DPF3: variants seen among roughly 807,000 people sequenced by gnomAD.
DPF3 encodes the protein double PHD fingers 3.
A neutral mutation model predicts 56.8 loss-of-function variants in DPF3; 18 were observed. That is an observed-to-expected ratio of 0.32 (90% confidence interval 0.22 to 0.47). The LOEUF (loss-of-function observed/expected upper bound fraction) is 0.47, where lower values mean the gene tolerates loss of function less well. DPF3 is among the 20% of genes least tolerant of loss of function. The pLI is 1.00. For missense variants in DPF3, 403 were observed against 488.8 expected, an observed-to-expected ratio of 0.82 and a Z score of 1.65; for synonymous variants, 188 against 180.2, an observed-to-expected ratio of 1.04 and a Z score of -0.35.
At chr14:72,634,695 C>CAA (rs1885337167) in intron 8 of DPF3, among the ~76,000 whole-genome samples, 1 of 148,636 alleles carries the variant, frequency 6.7e-6, no homozygotes, top group South Asian at 2.4e-4. Flanking sequence ...CCATTAATGG[C>CAA]AAGTACTGCA....
chr14:72,821,846 A>ATT (rs11381807), intron 1 of DPF3, among the ~76,000 whole-genome samples: 15 of 150,610 alleles, frequency 1.0e-4, no homozygotes, highest in Non-Finnish European at 1.5e-4. Context: ...TCTCCACTAA[A>ATT]TTTTTTTTTT....
chr14:72,789,994 G>A (rs1246020068), intron 1 of DPF3, among the ~76,000 whole-genome samples: 4 of 151,450 alleles, frequency 2.6e-5, no homozygotes, highest in South Asian at 2.1e-4. Context: ...GCTCATGCCT[G>A]TAATCCCAGC....
At chr14:72,662,544 A>G (rs898703530) in intron 8 of DPF3, 1 of 985,200 alleles carries the variant, frequency 1.0e-6, no homozygotes, top group African/African-American at 1.7e-5. Context: ...TTTCTCACAG[A>G]CAATCAAAGA....
intron 8 of DPF3, chr14:72,662,511 T>A: frequency 1.0e-6 from 1 of 985,212 alleles, no homozygotes; most frequent in Non-Finnish European, 1.2e-6. Flanking sequence ...TACTGTAGAG[T>A]AATTCCAGGC....
chr14:72,831,132 A>G (rs761286438), intron 1 of DPF3, among the ~76,000 whole-genome samples: 3 of 152,160 alleles, frequency 2.0e-5, no homozygotes, highest in Non-Finnish European at 4.4e-5. Context: ...AGATCCTTGA[A>G]CAAAAGGAGC....
intron 5 of DPF3, 116 bp downstream of exon 5, chr14:72,723,517 G>A (rs760412260): frequency 1.6e-5 from 14 of 890,260 alleles, no homozygotes; most frequent in African/African-American, 1.7e-5. Context: ...TCCTTTGAGC[G>A]TTCTCCATGT....
chr14:72,750,942 G>C (rs1438465096), intron 3 of DPF3, among the ~76,000 whole-genome samples: 1 of 152,054 alleles, frequency 6.6e-6, no homozygotes, highest in Non-Finnish European at 1.5e-5. Flanking sequence ...TGTAATCTTA[G>C]CACTCTGGGA....
At chr14:72,787,850 A>G (rs1599441619) in intron 1 of DPF3, among the ~76,000 whole-genome samples, 1 of 152,330 alleles carries the variant, frequency 6.6e-6, no homozygotes, top group Admixed American at 6.5e-5. Flanking sequence ...GCTAAGGACA[A>G]GAGAGGAGAG....
intron 2 of DPF3, among the ~76,000 whole-genome samples, chr14:72,754,024 T>A (rs1890687911): frequency 6.7e-6 from 1 of 149,344 alleles, no homozygotes. Context: ...AAAAAAAAAA[T>A]AGGCAGGAGG....
chr14:72,777,588 T>C lies in DPF3; in HGVS notation c.33-5695A>G, dbSNP rs116555055. Among the ~76,000 whole-genome samples the C allele has an allele frequency of 9.9e-3, 1,514 of 152,276 alleles. 12 individuals are homozygous for C. The highest frequency in any genetic ancestry group is 0.051 in the Middle Eastern group (15 of 294). ...ACCCCTGCCCAAATCTCATGTTGAA[T>C]TGTAATCCCCAACTCTGGGGGTGGG... On this transcript the variant is annotated intron_variant, in intron 1 of 10. Coordinates refer to ENST00000556509, the MANE Select transcript of DPF3 (RefSeq NM_001280542.3).
At chr14:72,672,800 C>G (rs1036389131) in intron 8 of DPF3, among the ~76,000 whole-genome samples, 2 of 152,194 alleles carry the variant, frequency 1.3e-5, no homozygotes, top group African/African-American at 4.8e-5. Flanking sequence ...TCCAAACCTA[C>G]AGCAGTCCAT....
In DPF3 at chr14:72,609,692, AAGG is replaced by A. The variant is rs1321360642; in HGVS notation, c.*9602_*9604del. Among the ~76,000 whole-genome samples, 4 of 152,202 alleles carry A rather than the reference AAGG, an allele frequency of 2.6e-5. No individual in the cohort carries two copies. The highest frequency in any genetic ancestry group is 5.9e-5 in the Non-Finnish European group (4 of 68,030). On this transcript the variant is annotated 3_prime_UTR_variant, in exon 11 of 11. Transcript: ENST00000556509. ...CAGAGACCGCAACCACATCACAGTG[AAGG>A]AGGAGGACAGCTAACGGGGTGGGAG...
chr14:72,792,733 A>T (rs1403925616), intron 1 of DPF3, among the ~76,000 whole-genome samples: 1 of 151,970 alleles, frequency 6.6e-6, no homozygotes, highest in Non-Finnish European at 1.5e-5. Context: ...GTCTCGATGG[A>T]GCCAGGTCCA....
chr14:72,710,378 A>G (rs1327010298), intron 6 of DPF3, among the ~76,000 whole-genome samples: 1 of 152,236 alleles, frequency 6.6e-6, no homozygotes, highest in Non-Finnish European at 1.5e-5. Context: ...TTCTAAGGAG[A>G]CCAACTAAAA....
intron 7 of DPF3, among the ~76,000 whole-genome samples, chr14:72,687,075 G>A (rs898792890): frequency 1.3e-5 from 2 of 152,184 alleles, no homozygotes; most frequent in African/African-American, 4.8e-5. Context: ...TATCTAATCA[G>A]CAGACATTAC....
At chr14:72,827,118 T>A (rs1435259398) in intron 1 of DPF3, among the ~76,000 whole-genome samples, 2 of 11,694 alleles carry the variant, frequency 1.7e-4, no homozygotes, top group Non-Finnish European at 4.5e-4. Flanking sequence ...AACCACTGTA[T>A]AAGTCCAGCT....
At chr14:72,862,889 G>A (rs906861157) in intron 1 of DPF3, among the ~76,000 whole-genome samples, 4 of 152,054 alleles carry the variant, frequency 2.6e-5, no homozygotes, top group Admixed American at 2.0e-4. Context: ...TGAAGGCAAG[G>A]ATTTTGCCCA....
intron 8 of DPF3, chr14:72,671,628 T>A (rs952706777): frequency 1.7e-5 from 9 of 541,996 alleles, no homozygotes; most frequent in Middle Eastern, 3.0e-4. Context: ...CTGTTGTGCA[T>A]ACACACAGGC....
At chr14:72,846,816 T>C (rs1884782264) in intron 1 of DPF3, among the ~76,000 whole-genome samples, 1 of 152,098 alleles carries the variant, frequency 6.6e-6, no homozygotes, top group African/African-American at 2.4e-5. Context: ...CTATAGACCA[T>C]CAACTAAATT....
Sources: allele counts gnomAD v4.1 joint callset (sites outside exome capture counted in the v4.1 genomes callset), GRCh38; gene constraint gnomAD v4.1.1; transcripts MANE v1.5; gene names NCBI Gene and HGNC (gene_info 2026-07-23, HGNC 2026-07-21).